VMP1: variants seen among roughly 807,000 people sequenced by gnomAD.
The protein encoded by VMP1 is ectopic P-granules autophagy protein 3 homolog.
A neutral mutation model predicts 56.0 loss-of-function variants in VMP1; 11 were observed. That is an observed-to-expected ratio of 0.20 (90% confidence interval 0.12 to 0.32). The LOEUF is 0.32. VMP1 is among the 10% of genes least tolerant of loss of function. The pLI is 1.00. For synonymous variants in VMP1, 149 were observed against 165.0 expected, an observed-to-expected ratio of 0.90 and a Z score of 0.74; for missense variants, 296 against 490.3, an observed-to-expected ratio of 0.60 and a Z score of 3.74.
intron 7 of VMP1, among the ~76,000 whole-genome samples, chr17:59,794,895 T>G (rs2037379886): frequency 6.6e-6 from 1 of 151,598 alleles, no homozygotes; most frequent in East Asian, 1.9e-4. Context: ...AATTTCCTCC[T>G]AAAGAACAAG....
chr17:59,833,568 C>G (rs1462367312), intron 10 of VMP1, among the ~76,000 whole-genome samples: 3 of 152,114 alleles, frequency 2.0e-5, no homozygotes. Context: ...TTTTCCTAGT[C>G]TTTCATGGAA....
intron 7 of VMP1, among the ~76,000 whole-genome samples, chr17:59,799,700 C>T (rs180723069): frequency 6.6e-6 from 1 of 152,218 alleles, no homozygotes; most frequent in East Asian, 1.9e-4. Flanking sequence ...CAGTGGCTCA[C>T]GCCTGAAATC....
chr17:59,806,629 C>T (rs574362300), intron 7 of VMP1, among the ~76,000 whole-genome samples: 8 of 150,938 alleles, frequency 5.3e-5, no homozygotes, highest in African/African-American at 4.9e-5. Context: ...ACAAGAGAAT[C>T]GCTTGAACCC....
chr17:59,801,091 A>AATAT lies in VMP1; in HGVS notation c.715-7686_715-7683dup, dbSNP rs66523131. On this transcript the variant is annotated intron_variant, in intron 7 of 11. Coordinates refer to ENST00000262291, the MANE Select transcript of VMP1 (RefSeq NM_030938.5). ...CAAGACTCCATCTCGAAAAAAAAAA[A>AATAT]ATATATATATATATATATATATGTG... Among the ~76,000 whole-genome samples, 100 of 109,290 alleles carry AATAT rather than the reference A, an allele frequency of 9.1e-4. 3 individuals carry two copies. Among genetic ancestry groups the AATAT allele is most frequent in the East Asian group, 4.3e-3 (17 of 3,990 alleles). The allele number at this position is 109,290 out of a possible 152,430, so 71.7% of individuals were successfully genotyped here. A position where few individuals can be genotyped will look rare whatever the true frequency, so the allele number is the denominator to read the frequency against.
chr17:59,778,268 G>A (rs553951793), intron 7 of VMP1, among the ~76,000 whole-genome samples: 18 of 152,126 alleles, frequency 1.2e-4, no homozygotes, highest in Admixed American at 7.2e-4. Flanking sequence ...AAGGCCGGGC[G>A]CAGTGGCTCA....
chr17:59,818,613 A>G lies in VMP1; in HGVS notation c.974+840A>G, dbSNP rs181896087. On this transcript the variant is annotated intron_variant, in intron 10 of 11. Coordinates refer to ENST00000262291, the MANE Select transcript of VMP1 (RefSeq NM_030938.5). ...TGGAGAAATCCCATCTCTACTAAAA[A>G]TACAAAATTAGCCGGGCGTGGTGGC... 1.6e-3 allele frequency among the ~76,000 whole-genome samples: 243 copies of G among 151,974 alleles called. 2 individuals are homozygous for G. The highest frequency in any genetic ancestry group is 6.8e-3 in the Middle Eastern group (2 of 294).
chr17:59,834,841 C>G (rs1481777118), intron 10 of VMP1, among the ~76,000 whole-genome samples: 3 of 151,284 alleles, frequency 2.0e-5, no homozygotes, highest in Non-Finnish European at 4.4e-5. Flanking sequence ...CCAGGCTGGT[C>G]TTGAACTCCT....
intron 7 of VMP1, among the ~76,000 whole-genome samples, chr17:59,784,430 TTCACTCC>T (rs1235632862): frequency 6.6e-6 from 1 of 152,088 alleles, no homozygotes; most frequent in Non-Finnish European, 1.5e-5. Flanking sequence ...CCTCACCCCC[TTCACTCC>T]TCTCAAATTG....
chr17:59,778,726 T>C (rs1457660812), intron 7 of VMP1, among the ~76,000 whole-genome samples: 2 of 152,226 alleles, frequency 1.3e-5, no homozygotes. Context: ...AGTTTCTCCA[T>C]GATGGATCCT....
intron 5 of VMP1, among the ~76,000 whole-genome samples, chr17:59,745,519 G>T (rs2035391278): frequency 6.6e-6 from 1 of 152,120 alleles, no homozygotes; most frequent in Admixed American, 6.6e-5. Flanking sequence ...ATAATCTCTG[G>T]TTTTTTTAAG....
intron 5 of VMP1, among the ~76,000 whole-genome samples, chr17:59,743,319 G>T (rs1385943691): frequency 6.6e-6 from 1 of 151,938 alleles, no homozygotes; most frequent in Non-Finnish European, 1.5e-5. Context: ...CTATAGTTTT[G>T]CCTTTTCCAG....
chr17:59,755,942 G>A (rs373109119), intron 5 of VMP1, among the ~76,000 whole-genome samples: 2 of 151,976 alleles, frequency 1.3e-5, no homozygotes, highest in East Asian at 3.9e-4. Context: ...TCACTGTGTT[G>A]TCCGAGCTAG....
intron 9 of VMP1, among the ~76,000 whole-genome samples, chr17:59,815,044 T>TTTC (rs756173692): frequency 5.3e-5 from 8 of 152,176 alleles, no homozygotes; most frequent in Non-Finnish European, 8.8e-5. Context: ...CTTGTCTGCT[T>TTTC]TTCTTTCTTC....
chr17:59,735,276 T>G, intron 2 of VMP1, 62 bp from the exon 3 acceptor site: 1 of 1,574,742 alleles, frequency 6.4e-7, no homozygotes, highest in Non-Finnish European at 8.6e-7. Flanking sequence ...TCTAAAGTGA[T>G]TGAAGAGAAT....
At chr17:59,819,989 C>G (rs118020397) in intron 10 of VMP1, among the ~76,000 whole-genome samples, 2 of 152,176 alleles carry the variant, frequency 1.3e-5, no homozygotes, top group African/African-American at 4.8e-5. Context: ...TTTCATCTAC[C>G]GATATATCCA....
chr17:59,795,928 C>CA (rs1241130978), intron 7 of VMP1, among the ~76,000 whole-genome samples: 1 of 152,108 alleles, frequency 6.6e-6, no homozygotes, highest in East Asian at 1.9e-4. Flanking sequence ...AAAAGATGAA[C>CA]AAACTGCGAT....
In VMP1 at chr17:59,776,648, G is replaced by A. The variant is rs375404061; in HGVS notation, c.714+2763G>A. 2.8e-4 allele frequency among the ~76,000 whole-genome samples: 42 copies of A among 152,202 alleles called. No homozygotes were observed. The South Asian group carries it at 8.7e-3, about 32-fold the overall frequency. ...AAAAACTCAGAATGCCAGCATTACT[G>A]GTATATTCCGATTACTGAAACCAGT... On this transcript the variant is annotated intron_variant, in intron 7 of 11. Transcript: ENST00000262291.
chr17:59,813,825 G>T (rs1304184901), intron 9 of VMP1, among the ~76,000 whole-genome samples: 5 of 152,136 alleles, frequency 3.3e-5, no homozygotes, highest in Non-Finnish European at 7.3e-5. Context: ...CCTCTTGAAT[G>T]CAGTGCCTTT....
At chr17:59,723,535 A>G (rs985047916) in intron 1 of VMP1, among the ~76,000 whole-genome samples, 8 of 152,202 alleles carry the variant, frequency 5.3e-5, no homozygotes, top group African/African-American at 1.9e-4. Flanking sequence ...CACAAAAGCA[A>G]TTTATTTTTA....
Sources: allele counts gnomAD v4.1 joint callset (sites outside exome capture counted in the v4.1 genomes callset), GRCh38; gene constraint gnomAD v4.1.1; transcripts MANE v1.5; gene names NCBI Gene and HGNC (gene_info 2026-07-23, HGNC 2026-07-21).